The following SNAP47 variants were observed in gnomAD, a reference collection of about 807,000 sequenced individuals.
SNAP47 encodes synaptosome associated protein 47, also known as synaptosomal-associated protein 47.
In SNAP47, 20 loss-of-function variants were observed where a neutral mutation model predicts 31.4. The ratio of observed to expected loss-of-function variants is 0.64; its 90% CI spans 0.45 to 0.93. SNAP47 has a LOEUF of 0.93. Ranked by LOEUF, SNAP47 falls within the 40% of genes least tolerant of loss-of-function variation. The pLI, the probability that SNAP47 is intolerant of heterozygous loss-of-function variation, is 0.00. For missense variants in SNAP47, 492 were observed against 528.5 expected (o/e 0.93, Z 0.68); for synonymous variants, 194 against 213.4 (o/e 0.91, Z 0.79).
At chr1:227,766,819 C>T in intron 3 of SNAP47, 140 bp from the exon 4 acceptor site, 2 of 1,251,796 alleles carry the variant, frequency 1.6e-6, no homozygotes, top group Non-Finnish European at 2.2e-6. Flanking sequence ...GCAAGGCTCA[C>T]AGAGGTCGAG....
At chr1:227,738,203 A>G (rs1661358469) in intron 1 of SNAP47, among the ~76,000 whole-genome samples, 1 of 151,918 alleles carries the variant, frequency 6.6e-6, no homozygotes, top group African/African-American at 2.4e-5. Flanking sequence ...CACCACGCCC[A>G]GCTAATTTTT....
chr1:227,731,993 C>G, upstream of SNAP47: 1 of 250,900 alleles, frequency 4.0e-6, no homozygotes, highest in South Asian at 6.1e-5. Context: ...CCTGAACCCA[C>G]AGGGCAGAGC....
At chr1:227,768,467 C>T (rs543943143) in intron 4 of SNAP47, 2 of 296,384 alleles carry the variant, frequency 6.7e-6, no homozygotes, top group East Asian at 3.4e-4. Context: ...CACTCTGTCT[C>T]TTATGCCTGT....
At chr1:227,748,321 A>G in intron 2 of SNAP47, 88 bp downstream of exon 2, 1 of 1,375,720 alleles carries the variant, frequency 7.3e-7, no homozygotes, top group Non-Finnish European at 9.7e-7. Flanking sequence ...AGGCCACTGC[A>G]CCATATTTGC....
chr1:227,772,037 G>A (rs1663849791), intron 4 of SNAP47, among the ~76,000 whole-genome samples: 2 of 152,088 alleles, frequency 1.3e-5, no homozygotes, highest in African/African-American at 4.8e-5. Context: ...TGGGACTTCA[G>A]GCTTGGAGGA....
In SNAP47 at chr1:227,748,155, T is replaced by C. The variant is rs1218722773; in HGVS notation, c.419T>C (p.Leu140Pro). The change falls in exon 2 of 5, where the codon CTG (leucine) becomes CCG (proline). Residue 140 changes from leucine to proline, a missense_variant. Transcript: ENST00000617596. Reference sequence around the variant, plus strand: ...CGCCTGGAGGACACGGCGAGGGTCCTGCACCACCAGGGCCAGCAGCTGGAC... The same window carrying C: ...CGCCTGGAGGACACGGCGAGGGTCCCGCACCACCAGGGCCAGCAGCTGGAC... ...QKRLEDTARV[L>P]HHQGQQLDSV... 6.2e-7 allele frequency: 1 copy of C among 1,613,538 alleles called. No homozygotes were observed. The highest frequency in any genetic ancestry group is 8.5e-7 in the Non-Finnish European group (1 of 1,179,862).
intron 4 of SNAP47, chr1:227,776,622 C>T: frequency 7.1e-6 from 7 of 985,516 alleles, no homozygotes; most frequent in Non-Finnish European, 8.4e-6. Context: ...CCATTCTTTC[C>T]ATCCCTGTTA....
chr1:227,769,013 C>T (rs991682528), intron 4 of SNAP47, among the ~76,000 whole-genome samples: 3 of 152,232 alleles, frequency 2.0e-5, no homozygotes, highest in African/African-American at 2.4e-5. Context: ...TGGAGAGGCC[C>T]TCAAGTGTCC....
intron 2 of SNAP47, among the ~76,000 whole-genome samples, chr1:227,749,083 CTGGAAAAACCTTCGGGTCT>C (rs1364387277): frequency 6.6e-6 from 1 of 152,124 alleles, no homozygotes; most frequent in African/African-American, 2.4e-5. Context: ...CTCCAGTTTC[CTGGAAAAACCTTCGGGTCT>C]TGCGTCATGG....
At chr1:227,749,458 T>C (rs1369728658) in intron 2 of SNAP47, among the ~76,000 whole-genome samples, 1 of 152,194 alleles carries the variant, frequency 6.6e-6, no homozygotes, top group Non-Finnish European at 1.5e-5. Context: ...CCACATGGAC[T>C]TGTGCCTGCG....
At chr1:227,764,099 A>G (rs1320841333) in intron 3 of SNAP47, among the ~76,000 whole-genome samples, 2 of 152,096 alleles carry the variant, frequency 1.3e-5, no homozygotes, top group Admixed American at 6.5e-5. Flanking sequence ...CAGTCGAGTC[A>G]CCCCACCCTT....
chr1:227,734,116 A>C, upstream of SNAP47: 2 of 1,484,680 alleles, frequency 1.3e-6, no homozygotes, highest in Non-Finnish European at 1.8e-6. Context: ...ACTGAGACCA[A>C]TCGGCTCCAG....
At chr1:227,772,386 C>G (rs1297461221) in intron 4 of SNAP47, among the ~76,000 whole-genome samples, 1 of 151,558 alleles carries the variant, frequency 6.6e-6, no homozygotes, top group Non-Finnish European at 1.5e-5. Context: ...CAGCCTGCCA[C>G]TCTGGGTTCC....
upstream of SNAP47, chr1:227,734,760 TG>T: frequency 6.2e-7 from 1 of 1,614,166 alleles, no homozygotes; most frequent in Non-Finnish European, 8.5e-7. Flanking sequence ...ATGTGCTCTT[TG>T]GGGTTCGAGT....
At chr1:227,760,086 G>A (rs975421100) in intron 3 of SNAP47, among the ~76,000 whole-genome samples, 1 of 152,198 alleles carries the variant, frequency 6.6e-6, no homozygotes, top group Admixed American at 6.5e-5. Flanking sequence ...TTGACTAAAG[G>A]TCTGTTCTTC....
intron 2 of SNAP47, among the ~76,000 whole-genome samples, chr1:227,756,396 T>C (rs1398625120): frequency 6.6e-6 from 1 of 152,264 alleles, no homozygotes; most frequent in Non-Finnish European, 1.5e-5. Context: ...GGTATGAGTA[T>C]GATTTTTCTT....
chr1:227,744,530 A>G (rs559052193), intron 1 of SNAP47, among the ~76,000 whole-genome samples: 84 of 152,124 alleles, frequency 5.5e-4, no homozygotes, highest in African/African-American at 1.9e-3. Context: ...AGCACATTGC[A>G]AGTGAAGTTT....
In SNAP47 at chr1:227,766,932, A is replaced by G. The variant is rs575623825; in HGVS notation, c.989-27A>G. On this transcript the variant is annotated intron_variant, in intron 3 of 4. Coordinates refer to ENST00000617596, the MANE Select transcript of SNAP47 (RefSeq NM_053052.4). ...GGTTGTTGCAACTCCGAGAGATGTC[A>G]CTGCTGACCATCTGCTCTCCTTGCA... is the stretch of plus-strand genomic sequence containing the variant. The G allele has an allele frequency of 2.1e-5, 34 of 1,612,544 alleles. 1 individual carries two copies. In the South Asian group the frequency reaches 3.5e-4, roughly 17 times the overall value.
At chr1:227,768,230 G>A (rs914122358) in intron 4 of SNAP47, 8 of 977,156 alleles carry the variant, frequency 8.2e-6, no homozygotes, top group African/African-American at 3.5e-5. Context: ...TGCAGCTTCC[G>A]TCTCGTCTTC....
Sources: allele counts gnomAD v4.1 joint callset (sites outside exome capture counted in the v4.1 genomes callset), GRCh38; gene constraint gnomAD v4.1.1; transcripts MANE v1.5; gene names NCBI Gene and HGNC (gene_info 2026-07-23, HGNC 2026-07-21).